The following BIN3 variants were observed in gnomAD, a reference collection of about 807,000 sequenced individuals.
The protein encoded by BIN3 is bridging integrator 3.
A neutral mutation model predicts 38.2 loss-of-function variants in BIN3; 41 were observed. The ratio of observed to expected loss-of-function variants is 1.07; its 90% CI spans 0.84 to 1.39. The LOEUF is 1.39. BIN3 is among the 40% of genes most tolerant of loss of function. The pLI, the probability that BIN3 is intolerant of heterozygous loss-of-function variation, is 0.00. For synonymous variants in BIN3, 145 were observed against 122.6 expected, an observed-to-expected ratio of 1.18 and a Z score of -1.21; for missense variants, 361 against 324.3, an observed-to-expected ratio of 1.11 and a Z score of -0.87.
intron 2 of BIN3, among the ~76,000 whole-genome samples, chr8:22,642,275 T>C (rs1802587999): frequency 7.4e-6 from 1 of 135,220 alleles, no homozygotes; most frequent in South Asian, 2.3e-4. Flanking sequence ...TCACTGCTGT[T>C]CAAGGGCAGC....
chr8:22,632,899 G>A (rs565685047), intron 4 of BIN3, among the ~76,000 whole-genome samples: 1 of 152,228 alleles, frequency 6.6e-6, no homozygotes, highest in South Asian at 2.1e-4. Flanking sequence ...AGTAGAGACG[G>A]GGTTTCACCA....
chr8:22,651,000 G>A (rs1802873086), intron 1 of BIN3, among the ~76,000 whole-genome samples: 1 of 152,116 alleles, frequency 6.6e-6, no homozygotes, highest in African/African-American at 2.4e-5. Context: ...CTCAGTCAAA[G>A]CTTTAGGGCA....
rs1802372551 is a variant in BIN3, at chr8:22,636,540, T to C, written c.145A>G (p.Thr49Ala). ...AGTCACCTACCCAGGTCTGCGTCGG[T>C]GCTCTTCTTCATGTCTTTCTGCAGC... ...RRLQKDMKKS[T>A]DADLAMSKSA... Residue 49 changes from threonine (T) to alanine (A), a missense_variant, in exon 4 of 9, where the codon ACC (threonine) becomes GCC (alanine). Transcript: ENST00000276416. The C allele has an allele frequency of 6.4e-7, 1 of 1,552,662 alleles. No homozygotes were observed. Among genetic ancestry groups the C allele is most frequent in the South Asian group, 1.2e-5 (1 of 84,118 alleles).
intron 2 of BIN3, among the ~76,000 whole-genome samples, chr8:22,640,410 A>T (rs1417107294): frequency 6.9e-6 from 1 of 144,590 alleles, no homozygotes; most frequent in African/African-American, 2.6e-5. Flanking sequence ...GCTGGTCTTG[A>T]ACTCCTGGCC....
intron 1 of BIN3, among the ~76,000 whole-genome samples, chr8:22,657,125 T>C (rs1045441625): frequency 6.6e-6 from 1 of 152,226 alleles, no homozygotes; most frequent in Admixed American, 6.5e-5. Context: ...ACGAGGCAGA[T>C]TCCTTCTATG....
intron 1 of BIN3, among the ~76,000 whole-genome samples, chr8:22,666,727 G>A (rs1468723690): frequency 6.6e-6 from 1 of 152,186 alleles, no homozygotes; most frequent in African/African-American, 2.4e-5. Flanking sequence ...TTCTCACTGT[G>A]ACATTTTGAA....
rs957251412 is a variant in BIN3, at chr8:22,644,998, C to G, written c.9-195G>C. 1.1e-5 allele frequency: 6 copies of G among 535,770 alleles called. No individual in the cohort carries two copies. In the African/African-American group the frequency reaches 1.1e-4, roughly 10 times the overall value. 33.2% of individuals were successfully genotyped at this position (535,770 alleles called of 1,614,324 possible). On this transcript the variant is annotated intron_variant, in intron 1 of 8. Transcript: ENST00000276416. ...TGGTTCTAAGAGAGAGATAGGTCCT[C>G]CCACCTACAGTGTCAGATGCAGGTT...
chr8:22,667,156 T>C (rs1481924159), intron 1 of BIN3, among the ~76,000 whole-genome samples: 3 of 152,222 alleles, frequency 2.0e-5, no homozygotes, highest in Non-Finnish European at 4.4e-5. Flanking sequence ...CTTCTGGCTG[T>C]GACTCTCAGT....
At chr8:22,664,850 C>A (rs140798612) in intron 1 of BIN3, among the ~76,000 whole-genome samples, 1 of 152,190 alleles carries the variant, frequency 6.6e-6, no homozygotes, top group African/African-American at 2.4e-5. Context: ...ACATGTGAGA[C>A]AGCAACGGTA....
chr8:22,660,729 A>G (rs955115247), intron 1 of BIN3, among the ~76,000 whole-genome samples: 1 of 152,236 alleles, frequency 6.6e-6, no homozygotes, highest in Admixed American at 6.5e-5. Context: ...AATACAGGGA[A>G]TATATAATAA....
At chr8:22,639,358 C>T (rs2117543409) in intron 2 of BIN3, among the ~76,000 whole-genome samples, 1 of 152,110 alleles carries the variant, frequency 6.6e-6, no homozygotes, top group East Asian at 1.9e-4. Context: ...CAGCCTCCTG[C>T]ATAGCTGGGA....
chr8:22,620,666 G>A lies in BIN3; in HGVS notation c.*756C>T, dbSNP rs1306469462. 6.6e-6 allele frequency: 1 copy of A among 152,230 alleles called. No individual in the cohort carries two copies. Among genetic ancestry groups the A allele is most frequent in the African/African-American group, 2.4e-5 (1 of 41,458 alleles). The allele number at this position is 152,230 out of a possible 1,614,324, so 9.4% of individuals were successfully genotyped here. A position where few individuals can be genotyped will look rare whatever the true frequency, so the allele number is the denominator to read the frequency against. On this transcript the variant is annotated 3_prime_UTR_variant, in exon 9 of 9. Coordinates refer to ENST00000276416, the MANE Select transcript of BIN3 (RefSeq NM_018688.6). ...TGCTCCGTGGAGGGCAGCAGGCCCA[G>A]GAAGGGGTTTCCTCTGCTCGCCTAA...
Position 22,624,215 on chromosome 8 carries a change from C to G in BIN3, c.480+7G>C, listed in dbSNP as rs769236708. On this transcript the variant is annotated splice_region_variant and intron_variant, in intron 7 of 8. Transcript: ENST00000276416. ...TCTAGCCCCTGCCCACCTGTCTCCCCTGGTACCTGGTGGAGCTTGGCCAGC... is the reference window on the plus strand; with the variant it reads ...TCTAGCCCCTGCCCACCTGTCTCCCGTGGTACCTGGTGGAGCTTGGCCAGC... 1.4e-5 allele frequency: 22 copies of G among 1,612,450 alleles called. No homozygotes were observed. Among genetic ancestry groups the G allele is most frequent in the Non-Finnish European group, 1.8e-5 (21 of 1,179,174 alleles).
chr8:22,637,314 A>C (rs1802400993), intron 2 of BIN3, among the ~76,000 whole-genome samples: 2 of 152,176 alleles, frequency 1.3e-5, no homozygotes. Flanking sequence ...CCATCCAGGA[A>C]GGCAGCAGAG....
intron 2 of BIN3, among the ~76,000 whole-genome samples, chr8:22,638,537 G>A (rs1179644119): frequency 2.0e-5 from 3 of 152,200 alleles, no homozygotes; most frequent in Admixed American, 2.0e-4. Flanking sequence ...CCCTGGTGGT[G>A]GAGATAAACA....
chr8:22,645,532 G>A (rs1802687599), intron 1 of BIN3, among the ~76,000 whole-genome samples: 1 of 150,754 alleles, frequency 6.6e-6, no homozygotes, highest in Non-Finnish European at 1.5e-5. Context: ...AAGGGGAGGG[G>A]GAGGAAAGGA....
intron 1 of BIN3, among the ~76,000 whole-genome samples, chr8:22,645,317 AAAC>A (rs982280950): frequency 4.6e-5 from 7 of 152,012 alleles, no homozygotes; most frequent in African/African-American, 1.4e-4. Flanking sequence ...AAACACAAAA[AAAC>A]AACCACCAAA....
chr8:22,644,205 A>G (rs926488158), intron 2 of BIN3, among the ~76,000 whole-genome samples: 1 of 152,210 alleles, frequency 6.6e-6, no homozygotes, highest in Non-Finnish European at 1.5e-5. Flanking sequence ...CCCATTCTGG[A>G]GATAAAAACT....
intron 4 of BIN3, among the ~76,000 whole-genome samples, chr8:22,632,580 G>T (rs902453089): frequency 1.3e-5 from 2 of 151,996 alleles, no homozygotes; most frequent in African/African-American, 4.8e-5. Context: ...ATAATAAAAA[G>T]ATAATAAAAT....
Sources: gnomAD v4.1 joint callset for allele counts (sites outside exome capture counted in the v4.1 genomes callset) on GRCh38, gnomAD v4.1.1 for gene constraint, MANE v1.5 for transcripts, NCBI Gene and HGNC (gene_info 2026-07-23, HGNC 2026-07-21) for gene names.